Variants in NUP188 observed in about 807,000 individuals in gnomAD.
NUP188 encodes nucleoporin NUP188.
NUP188 carries 97 observed loss-of-function variants against 223.0 expected under a neutral mutation model. That is an observed-to-expected ratio of 0.43 (90% CI 0.37 to 0.51). The LOEUF is 0.51. Among genes scored for constraint, NUP188 ranks in the 20% least tolerant of loss-of-function variants. The probability of loss-of-function intolerance (pLI) is 0.00; values close to 1 mark genes in which losing one functional copy is unlikely to be tolerated. For synonymous variants in NUP188, 869 were observed against 828.0 expected, an observed-to-expected ratio of 1.05 and a Z score of -0.85; for missense variants, 1,947 against 2,175.6, an observed-to-expected ratio of 0.89 and a Z score of 2.09.
intron 38 of NUP188, 132 bp from the exon 39 acceptor site, chr9:129,005,015 G>A: frequency 1.4e-6 from 1 of 701,076 alleles, no homozygotes; most frequent in South Asian, 1.6e-5. Context: ...GGAGCATGAG[G>A]GAAGGAGGGA....
At chr9:128,984,684 T>G (rs1025946174) in intron 19 of NUP188, among the ~76,000 whole-genome samples, 5 of 152,178 alleles carry the variant, frequency 3.3e-5, no homozygotes, top group Non-Finnish European at 5.9e-5. Context: ...TGATGTTCCT[T>G]TGATTTTTTT....
chr9:128,959,247 C>A (rs1841911900), intron 8 of NUP188, 113 bp downstream of exon 8: 1 of 763,372 alleles, frequency 1.3e-6, no homozygotes, highest in East Asian at 3.3e-5. Context: ...CCTCCATCTC[C>A]TGGTTTTAAG....
At chr9:128,953,221 A>G (rs1841820510) in intron 3 of NUP188, among the ~76,000 whole-genome samples, 1 of 152,244 alleles carries the variant, frequency 6.6e-6, no homozygotes, top group South Asian at 2.1e-4. Context: ...ACTATGTAAC[A>G]ATTAATACTC....
At chr9:128,980,518 T>A in intron 13 of NUP188, 88 bp from the exon 14 acceptor site, 1 of 1,408,200 alleles carries the variant, frequency 7.1e-7, no homozygotes, top group Non-Finnish European at 9.8e-7. Flanking sequence ...GGATTAATTC[T>A]AAATTTTCTC....
intron 38 of NUP188, chr9:129,004,111 A>C (rs1194808575): frequency 1.0e-4 from 16 of 156,576 alleles, no homozygotes; most frequent in Non-Finnish European, 1.3e-4. Context: ...CCCCATCTCT[A>C]CTAAAAATAA....
In NUP188 at chr9:128,975,977, C is replaced by T. The variant is rs180732193; in HGVS notation, c.1203+2728C>T. 3.9e-5 allele frequency among the ~76,000 whole-genome samples: 6 copies of T among 152,050 alleles called. No homozygotes were observed. The East Asian group carries it at 1.2e-3, about 29-fold the overall frequency. The stretch of plus-strand genomic sequence containing the variant: ...AGCTGGGATTACAGGTGTGCGCCAC[C>T]ATGTCTGGCTAGTTTTTGTAATTTT... On this transcript the variant is annotated intron_variant, in intron 12 of 43. Transcript: ENST00000372577.
intron 2 of NUP188, among the ~76,000 whole-genome samples, chr9:128,951,489 A>G (rs915884992): frequency 6.6e-6 from 1 of 152,196 alleles, no homozygotes; most frequent in Admixed American, 6.6e-5. Flanking sequence ...AAAAAACAAC[A>G]AAGAAAACTT....
chr9:128,948,566 G>C (rs1841725607), intron 1 of NUP188: 1 of 151,940 alleles, frequency 6.6e-6, no homozygotes, highest in Admixed American at 6.6e-5. Context: ...TGAAGTCTGC[G>C]TACCTCCAGT....
intron 3 of NUP188, among the ~76,000 whole-genome samples, 190 bp from the exon 4 acceptor site, chr9:128,956,160 A>G (rs1298028951): frequency 6.7e-6 from 1 of 149,594 alleles, no homozygotes; most frequent in African/African-American, 2.5e-5. Context: ...GTTCTGCGTT[A>G]TGAAGTTTGT....
rs1421934584 is a variant in NUP188 at position 128,990,017 on chromosome 9, A to G, written c.2534-103A>G. 4.5e-6 allele frequency: 4 copies of G among 885,966 alleles called. No homozygotes were observed. In the African/African-American group the frequency reaches 6.6e-5, roughly 15 times the overall value. The allele number at this position is 885,966 out of a possible 1,614,324, so 54.9% of individuals were successfully genotyped here. A position where few individuals can be genotyped will look rare whatever the true frequency, so the allele number is the denominator to read the frequency against. On this transcript the variant is annotated intron_variant, in intron 24 of 43. Transcript: ENST00000372577. ...GTGGCCCTCCAAGTACTTGAGGGTA[A>G]ATTCCTTCACATACACACTGTGGGT...
chr9:128,954,170 A>G (rs1018781253), intron 3 of NUP188, among the ~76,000 whole-genome samples: 6 of 150,440 alleles, frequency 4.0e-5, no homozygotes, highest in East Asian at 3.9e-4. Flanking sequence ...CCAGGATCCA[A>G]CCTAGTTGTC....
chr9:128,980,835 T>C lies in NUP188; in HGVS notation c.1389+110T>C, dbSNP rs2302814. 4.0e-3 allele frequency: 4,561 copies of C among 1,129,912 alleles called. 135 individuals carry two copies. In the East Asian group the frequency reaches 0.059, roughly 15 times the overall value. 70.0% of individuals were successfully genotyped at this position (1,129,912 alleles called of 1,614,324 possible). A position where few individuals can be genotyped will look rare whatever the true frequency, so the allele number is the denominator to read the frequency against. On this transcript the variant is annotated intron_variant, in intron 14 of 43. Coordinates refer to ENST00000372577, the MANE Select transcript of NUP188 (RefSeq NM_015354.3). ...CAGTTCTACTGCCATGACAAAAGTT[T>C]GTCTGAAGGTGAATGAAAGATACCA... is the stretch of plus-strand genomic sequence containing the variant.
At chr9:128,950,333 C>T (rs9886716) in intron 2 of NUP188, among the ~76,000 whole-genome samples, 22 of 152,146 alleles carry the variant, frequency 1.4e-4, no homozygotes, top group African/African-American at 5.1e-4. Flanking sequence ...GTGATTCCTG[C>T]CTTAGCCTCT....
intron 8 of NUP188, among the ~76,000 whole-genome samples, chr9:128,962,028 C>T (rs1271684532): frequency 6.6e-6 from 1 of 151,814 alleles, no homozygotes; most frequent in Admixed American, 6.6e-5. Context: ...TCTCCACCTC[C>T]TGGGTCAAGC....
chr9:128,949,913 C>T (rs1006460178), intron 2 of NUP188, among the ~76,000 whole-genome samples: 3 of 140,946 alleles, frequency 2.1e-5, no homozygotes, highest in Admixed American at 7.3e-5. Context: ...ACAGGCGTGA[C>T]GGCCACTTTT....
chr9:128,984,910 A>C lies in NUP188; in HGVS notation c.1972A>C (p.Met658Leu). The change falls in exon 20 of 44, where the codon ATG becomes CTG. Residue 658 changes from methionine (M) to leucine (L), a missense_variant. By Grantham distance (15) the Met-to-Leu change is conservative. Coordinates refer to ENST00000372577, the MANE Select transcript of NUP188 (RefSeq NM_015354.3). The stretch of plus-strand genomic sequence containing the variant: ...TACTTCTTTTTCCAGTGCGGAAGGG[A>C]TGAATGCTGGAGGGTACGGAAACCT... ...SLSQMISAEGMNAGGYGNLLM... is the reference protein window; with the variant it reads ...SLSQMISAEGLNAGGYGNLLM... The C allele has an allele frequency of 6.2e-7, 1 of 1,609,268 alleles. No homozygotes were observed. The highest frequency in any genetic ancestry group is 8.5e-7 in the Non-Finnish European group (1 of 1,177,762).
At chr9:128,952,360 C>T (rs1183058670) in intron 2 of NUP188, among the ~76,000 whole-genome samples, 16 of 149,504 alleles carry the variant, frequency 1.1e-4, no homozygotes, top group Non-Finnish European at 3.0e-5. Context: ...GATTGCGCCA[C>T]TGCACTCCAT....
At chr9:128,969,628 G>A in intron 10 of NUP188, 114 bp downstream of exon 10, 1 of 584,366 alleles carries the variant, frequency 1.7e-6, no homozygotes, top group Non-Finnish European at 3.0e-6. Context: ...GTTCAGTGAT[G>A]CAGAGGTTCT....
intron 8 of NUP188, among the ~76,000 whole-genome samples, chr9:128,966,954 A>G (rs1842038314): frequency 6.6e-6 from 1 of 152,190 alleles, no homozygotes; most frequent in African/African-American, 2.4e-5. Context: ...TGAATAATCT[A>G]TGGCATATCC....
Sources: gnomAD v4.1 joint callset for allele counts (sites outside exome capture counted in the v4.1 genomes callset) on GRCh38, gnomAD v4.1.1 for gene constraint, MANE v1.5 for transcripts, NCBI Gene and HGNC (gene_info 2026-07-23, HGNC 2026-07-21) for gene names.